Variants in PKD1L3 observed in about 807,000 individuals in gnomAD.
The protein encoded by PKD1L3 is polycystin-1-like protein 3.
Under a neutral mutation model 184.1 loss-of-function variants are expected in PKD1L3, and 239 were observed. The ratio of observed to expected loss-of-function variants is 1.30; its 90% CI spans 1.17 to 1.45. The LOEUF is 1.45. PKD1L3 is among the 40% of genes most tolerant of loss of function. PKD1L3 has a pLI of 0.00. For missense variants in PKD1L3, 2,660 were observed against 2,067.2 expected, an observed-to-expected ratio of 1.29 and a Z score of -5.56; for synonymous variants, 996 against 778.8, an observed-to-expected ratio of 1.28 and a Z score of -4.64.
chr16:71,951,585 C>T lies in PKD1L3; in HGVS notation c.3169G>A (p.Gly1057Arg). The stretch of plus-strand genomic sequence containing the variant: ...TTACCACGTGCCCAGTGGCGCTCTC[C>T]CTGCTGATGACAGCCTTGACCCTCC... ...HLEGQGCHQQ[G>R]ERHWARVVPE... The change falls in exon 19 of 30, where the codon GGA becomes AGA. Residue 1057 changes from glycine to arginine, a missense_variant. Transcript: ENST00000620267. 6.4e-7 allele frequency: 1 copy of T among 1,550,872 alleles called. No homozygotes were observed. Among genetic ancestry groups the T allele is most frequent in the Middle Eastern group, 1.7e-4 (1 of 5,918 alleles).
intron 2 of PKD1L3, among the ~76,000 whole-genome samples, chr16:71,996,782 T>C (rs1387891248): frequency 1.3e-5 from 2 of 152,164 alleles, no homozygotes; most frequent in Non-Finnish European, 2.9e-5. Context: ...TTTTTATTAC[T>C]GAATTGGACT....
chr16:71,937,430 C>A lies in PKD1L3; in HGVS notation c.4325-11G>T. 6.5e-7 allele frequency: 1 copy of A among 1,549,276 alleles called. No individual in the cohort carries two copies. Among genetic ancestry groups the A allele is most frequent in the Non-Finnish European group, 8.7e-7 (1 of 1,146,322 alleles). ...AGGTGAAGAAAGCACCTGAGAATAA[C>A]AAAGAACACCTGGAGTCAAGAGTCT... On this transcript the variant is annotated splice_polypyrimidine_tract_variant and intron_variant, in intron 24 of 29. Coordinates refer to ENST00000620267, the MANE Select transcript of PKD1L3 (RefSeq NM_181536.2).
At position 71,954,202 on chromosome 16, in the gene PKD1L3, T is replaced by G. The variant is rs1158788393; in HGVS notation, c.2712A>C (p.Gln904His). Residue 904 changes from glutamine to histidine, a missense_variant, in exon 17 of 30, where the codon CAA (glutamine) becomes CAC (histidine). Coordinates refer to ENST00000620267, the MANE Select transcript of PKD1L3 (RefSeq NM_181536.2). ...GCAGTGTCATGCAGCAAGACAGCCG[T>G]TGGACCCTTGTAAACTGGTTCCAGG... ...RHPWNQFTRV[Q>H]RLSCCMTLLL... is the part of the protein sequence containing the mutation. 1.2e-5 allele frequency: 18 copies of G among 1,551,754 alleles called. No homozygotes were observed. In the Admixed American group the frequency reaches 2.2e-4, roughly 19 times the overall value.
At chr16:71,932,223 A>T (rs1034904782) in intron 28 of PKD1L3, among the ~76,000 whole-genome samples, 9 of 152,204 alleles carry the variant, frequency 5.9e-5, no homozygotes, top group African/African-American at 2.2e-4. Context: ...CCATGATCAA[A>T]ATCTTGCCAG....
rs929406098 is a variant in PKD1L3 at position 71,940,116 on chromosome 16, G to A, written c.4324+2444C>T. On this transcript the variant is annotated intron_variant, in intron 24 of 29. Transcript: ENST00000620267. ...GAACTGAAAATAGCATCAACTGAAA[G>A]TCAATATATATATAAACAACAACTA... 8.5e-5 allele frequency among the ~76,000 whole-genome samples: 9 copies of A among 106,024 alleles called. 1 individual carries two copies. In the South Asian group the frequency reaches 2.5e-3, roughly 29 times the overall value. The allele number at this position is 106,024 out of a possible 152,430, so 69.6% of individuals were successfully genotyped here. A position where few individuals can be genotyped will look rare whatever the true frequency, so the allele number is the denominator to read the frequency against.
intron 24 of PKD1L3, among the ~76,000 whole-genome samples, chr16:71,941,550 G>A (rs1244203722): frequency 1.4e-5 from 2 of 147,418 alleles, no homozygotes; most frequent in Non-Finnish European, 3.0e-5. Context: ...TTAAGGTCAC[G>A]TTTCCAGATG....
intron 6 of PKD1L3, among the ~76,000 whole-genome samples, chr16:71,983,477 A>C (rs1310418142): frequency 6.6e-6 from 1 of 152,154 alleles, no homozygotes; most frequent in Non-Finnish European, 1.5e-5. Flanking sequence ...CAAATGCATC[A>C]GCAAGGCAGT....
chr16:71,965,499 G>A (rs2039467179), intron 15 of PKD1L3, among the ~76,000 whole-genome samples: 1 of 151,936 alleles, frequency 6.6e-6, no homozygotes, highest in South Asian at 2.1e-4. Context: ...CTCTCACTAG[G>A]GGCGTGTGAG....
At chr16:71,929,767 A>G (rs1597265371) in intron 29 of PKD1L3, 89 bp from the exon 30 acceptor site, 5 of 1,256,706 alleles carry the variant, frequency 4.0e-6, no homozygotes, top group East Asian at 5.1e-5. Flanking sequence ...TTTTTAAAAA[A>G]TTAGTAAATG....
At chr16:71,982,278 CT>C (rs35324670) in intron 6 of PKD1L3, 43 bp from the exon 7 acceptor site, 58,107 of 428,240 alleles carry the variant, frequency 0.14, 7 homozygotes, top group Middle Eastern at 0.15. Flanking sequence ...GAATTGTTTG[CT>C]TTTTTTTTTT....
At chr16:71,956,670 G>A (rs1319520865) in intron 16 of PKD1L3, among the ~76,000 whole-genome samples, 2 of 152,280 alleles carry the variant, frequency 1.3e-5, no homozygotes, top group Middle Eastern at 6.8e-3. Context: ...TTGGAAGGGG[G>A]AGGGAACAGG....
intron 16 of PKD1L3, among the ~76,000 whole-genome samples, chr16:71,960,336 AAG>A (rs913773978): frequency 6.6e-6 from 1 of 152,198 alleles, no homozygotes; most frequent in Non-Finnish European, 1.5e-5. Context: ...CATGTATTAA[AAG>A]AGATTATTAG....
chr16:71,933,457 A>G lies in PKD1L3; in HGVS notation c.4889T>C (p.Val1630Ala). The change falls in exon 28 of 30, where the codon GTT becomes GCT. Residue 1630 changes from valine to alanine, a missense_variant. By Grantham distance (64) the Val-to-Ala change is moderately conservative. Coordinates refer to ENST00000620267, the MANE Select transcript of PKD1L3 (RefSeq NM_181536.2). ...YRTFFSSAVT[V>A]VGLLMGISHQ... ...AGAAATTCCCATCAGGAGACCAACA[A>G]CAGTCACTGCTGAGCTGAAAAATGT... 3.9e-6 allele frequency: 6 copies of G among 1,551,126 alleles called. No homozygotes were observed. Among genetic ancestry groups the G allele is most frequent in the East Asian group, 2.4e-5 (1 of 40,914 alleles).
chr16:71,977,924 A>G (rs1044422454), intron 10 of PKD1L3, among the ~76,000 whole-genome samples: 1 of 151,840 alleles, frequency 6.6e-6, no homozygotes, highest in Non-Finnish European at 1.5e-5. Flanking sequence ...ACAGCCACCC[A>G]CTGCCATGCC....
rs1287322510 is a variant in PKD1L3 at position 71,982,136 on chromosome 16, A to C, written c.1066T>G (p.Cys356Gly). 11 of 1,551,982 alleles carry C rather than the reference A, an allele frequency of 7.1e-6. No individual in the cohort carries two copies. The South Asian group carries it at 1.3e-4, about 18-fold the overall frequency. Residue 356 changes from cysteine to glycine, a missense_variant, in exon 7 of 30, where the codon TGC becomes GGC. Coordinates refer to ENST00000620267, the MANE Select transcript of PKD1L3 (RefSeq NM_181536.2). ...SLGFKVPPTV[C>G]PFHSLNNVTK... Reference sequence around the variant, plus strand: ...ACATTGTTGAGGGAATGAAAGGGGCAGACAGTTGGAGGAACTTTGAAGCCC... The same window carrying C: ...ACATTGTTGAGGGAATGAAAGGGGCCGACAGTTGGAGGAACTTTGAAGCCC...
At chr16:71,958,916 G>A (rs958827079) in intron 16 of PKD1L3, among the ~76,000 whole-genome samples, 1 of 147,864 alleles carries the variant, frequency 6.8e-6, no homozygotes, top group Non-Finnish European at 1.5e-5. Flanking sequence ...GTGAAACGCC[G>A]TCTCTAATAA....
intron 1 of PKD1L3, among the ~76,000 whole-genome samples, chr16:71,999,019 C>T (rs559079932): frequency 3.3e-5 from 5 of 152,120 alleles, no homozygotes; most frequent in East Asian, 1.9e-4. Context: ...CGCCTGTAAT[C>T]CCAGCACTTT....
Position 71,949,964 on chromosome 16 carries a change from G to A in PKD1L3, c.3437C>T (p.Ser1146Leu). The A allele has an allele frequency of 6.4e-7, 1 of 1,551,682 alleles. No individual in the cohort carries two copies. The highest frequency in any genetic ancestry group is 8.7e-7 in the Non-Finnish European group (1 of 1,147,008). ...AGTCAACCATTTGGACAGGCCATTT[G>A]AGATGGGCTTTTTTCCTTCTTCTGA... ...LSSEEGKKPI[S>L]NGLSKWLTSV... Residue 1146 changes from serine (S) to leucine (L), a missense_variant, in exon 21 of 30, where the codon TCA (serine) becomes TTA (leucine). Transcript: ENST00000620267.
At chr16:71,971,145 GGGAA>G (rs1043413304) in intron 12 of PKD1L3, among the ~76,000 whole-genome samples, 1 of 152,194 alleles carries the variant, frequency 6.6e-6, no homozygotes, top group Non-Finnish European at 1.5e-5. Context: ...TTTGGTGGAA[GGGAA>G]GGAAGGAGAG....
Sources: gnomAD v4.1 joint callset for allele counts (sites outside exome capture counted in the v4.1 genomes callset) on GRCh38, gnomAD v4.1.1 for gene constraint, MANE v1.5 for transcripts, NCBI Gene and HGNC (gene_info 2026-07-23, HGNC 2026-07-21) for gene names.